The following EPHA3 variants were observed in gnomAD, a reference collection of about 807,000 sequenced individuals.
EPHA3 encodes ephrin type-A receptor 3.
EPHA3 carries 42 observed loss-of-function variants against 107.1 expected under a neutral mutation model. The observed-to-expected ratio is 0.39, with a 90% CI of 0.31 to 0.51. The LOEUF is 0.51. Ranked by LOEUF, EPHA3 falls within the 20% of genes least tolerant of loss-of-function variation. EPHA3 has a pLI of 0.78. For synonymous variants in EPHA3, 461 were observed against 424.8 expected (o/e 1.09, Z -1.05); for missense variants, 1,183 against 1,211.2 (o/e 0.98, Z 0.35).
chr3:89,360,478 GC>G (rs1220463812), intron 5 of EPHA3, among the ~76,000 whole-genome samples: 2 of 150,962 alleles, frequency 1.3e-5, no homozygotes, highest in East Asian at 3.9e-4. Flanking sequence ...GCAACTCTAT[GC>G]TTTTAGTTAT....
At chr3:89,330,563 A>T (rs1576315606) in intron 3 of EPHA3, among the ~76,000 whole-genome samples, 2 of 152,128 alleles carry the variant, frequency 1.3e-5, no homozygotes, top group Non-Finnish European at 2.9e-5. Flanking sequence ...TCCTCAGAAT[A>T]GAAATGTATG....
At chr3:89,382,744 A>G (rs1708537547) in intron 5 of EPHA3, among the ~76,000 whole-genome samples, 1 of 152,114 alleles carries the variant, frequency 6.6e-6, no homozygotes, top group East Asian at 1.9e-4. Flanking sequence ...CCCTGACAGG[A>G]TTAGGACAGA....
intron 13 of EPHA3, among the ~76,000 whole-genome samples, chr3:89,439,066 C>T (rs183964088): frequency 1.3e-5 from 2 of 152,118 alleles, no homozygotes; most frequent in Non-Finnish European, 2.9e-5. Flanking sequence ...GTAGAGAATG[C>T]AATTTTATAT....
intron 2 of EPHA3, among the ~76,000 whole-genome samples, chr3:89,176,034 A>G (rs1366724402): frequency 6.6e-6 from 1 of 152,038 alleles, no homozygotes; most frequent in Admixed American, 6.6e-5. Flanking sequence ...ATATTTTGTA[A>G]TACTTTAATA....
At chr3:89,163,509 G>A (rs2107077399) in intron 2 of EPHA3, among the ~76,000 whole-genome samples, 1 of 152,030 alleles carries the variant, frequency 6.6e-6, no homozygotes, top group South Asian at 2.1e-4. Context: ...CATTATAATA[G>A]CAATACCTCA....
intron 5 of EPHA3, among the ~76,000 whole-genome samples, chr3:89,375,409 A>C (rs1311197913): frequency 6.6e-6 from 1 of 151,790 alleles, no homozygotes; most frequent in Non-Finnish European, 1.5e-5. Context: ...GAAACAAGGA[A>C]AGGAAGGCAG....
intron 5 of EPHA3, among the ~76,000 whole-genome samples, chr3:89,346,609 G>A (rs1017089645): frequency 6.6e-6 from 1 of 150,660 alleles, no homozygotes; most frequent in African/African-American, 2.4e-5. Context: ...CTGTGCAGAA[G>A]CTCTTTATTT....
At chr3:89,455,876 C>T (rs1397241332) in intron 15 of EPHA3, among the ~76,000 whole-genome samples, 1 of 152,162 alleles carries the variant, frequency 6.6e-6, no homozygotes, top group Admixed American at 6.6e-5. Context: ...TCTCGTTCTT[C>T]ATCACTATTT....
chr3:89,335,353 T>G (rs1233352842), intron 3 of EPHA3, among the ~76,000 whole-genome samples: 2 of 152,158 alleles, frequency 1.3e-5, no homozygotes, highest in African/African-American at 4.8e-5. Context: ...ATCTCATTCA[T>G]GAGGACTCTG....
chr3:89,254,895 T>C (rs1705245622), intron 3 of EPHA3, among the ~76,000 whole-genome samples: 2 of 152,218 alleles, frequency 1.3e-5, no homozygotes, highest in African/African-American at 2.4e-5. Flanking sequence ...TTGTTTTAAA[T>C]AGCATTCAGT....
intron 3 of EPHA3, among the ~76,000 whole-genome samples, chr3:89,242,686 C>T (rs62278163): frequency 0.22 from 33,455 of 151,956 alleles, 3,978 homozygotes; most frequent in Non-Finnish European, 0.27. Context: ...ATCTGCCTGC[C>T]TCAGCCTCCC....
intron 3 of EPHA3, among the ~76,000 whole-genome samples, chr3:89,215,502 A>T (rs1261863359): frequency 6.6e-6 from 1 of 151,874 alleles, no homozygotes; most frequent in Non-Finnish European, 1.5e-5. Flanking sequence ...ATATACTGCA[A>T]ATCAGATTAT....
At chr3:89,170,919 A>G (rs1193326609) in intron 2 of EPHA3, among the ~76,000 whole-genome samples, 7 of 147,156 alleles carry the variant, frequency 4.8e-5, no homozygotes, top group African/African-American at 1.0e-4. Context: ...CATGAAGAGC[A>G]TATGCTAACT....
At chr3:89,138,169 T>C (rs1704355427) in intron 2 of EPHA3, among the ~76,000 whole-genome samples, 5 of 151,812 alleles carry the variant, frequency 3.3e-5, no homozygotes, top group Admixed American at 3.3e-4. Context: ...TAACTGTTGA[T>C]ATTTTTAAAA....
Position 89,351,999 on chromosome 3 carries a change from T to A in EPHA3, c.1306+9909T>A, listed in dbSNP as rs191214863. Among the ~76,000 whole-genome samples the A allele has an allele frequency of 1.6e-3, 244 of 150,400 alleles. 4 individuals are homozygous for A. Among genetic ancestry groups the A allele is most frequent in the Middle Eastern group, 6.9e-3 (2 of 288 alleles). ...AGGACTTTCCAGGTGCTGGATATGATGCAGGGAATTTCAGAGTTGCCATTC... is the reference window on the plus strand; with the variant it reads ...AGGACTTTCCAGGTGCTGGATATGAAGCAGGGAATTTCAGAGTTGCCATTC... On this transcript the variant is annotated intron_variant, in intron 5 of 16. Transcript: ENST00000336596.
intron 1 of EPHA3, among the ~76,000 whole-genome samples, chr3:89,117,476 G>T (rs1271345784): frequency 6.6e-6 from 1 of 151,972 alleles, no homozygotes; most frequent in Non-Finnish European, 1.5e-5. Context: ...GCATCTGATG[G>T]CAGTCTTCAC....
Position 89,369,430 on chromosome 3 carries a change from G to C in EPHA3, c.1307-26407G>C, listed in dbSNP as rs1027033084. On this transcript the variant is annotated intron_variant, in intron 5 of 16. Transcript: ENST00000336596. Reference sequence around the variant, plus strand: ...TTCCCTATTTAATAAATGGTGCTGGGAAAACTGGCTAGCCATATGTAGAAA... The same window carrying C: ...TTCCCTATTTAATAAATGGTGCTGGCAAAACTGGCTAGCCATATGTAGAAA... Among the ~76,000 whole-genome samples the C allele has an allele frequency of 2.2e-4, 33 of 150,738 alleles. 1 individual carries two copies. The highest frequency in any genetic ancestry group is 7.8e-4 in the East Asian group (4 of 5,146).
rs1487964520 is a variant in EPHA3, at chr3:89,359,715, A to G, written c.1306+17625A>G. Among the ~76,000 whole-genome samples the G allele has an allele frequency of 4.3e-3, 636 of 146,274 alleles. 11 individuals carry two copies. The highest frequency in any genetic ancestry group is 0.012 in the African/African-American group (478 of 40,208). ...TATACGTTATATATTGTGTGTGTGT[A>G]TATATATATACATACATATATACAC... On this transcript the variant is annotated intron_variant, in intron 5 of 16. Transcript: ENST00000336596.
chr3:89,471,168 G>C (rs1445376747), intron 15 of EPHA3, among the ~76,000 whole-genome samples: 1 of 145,476 alleles, frequency 6.9e-6, no homozygotes, highest in Non-Finnish European at 1.5e-5. Flanking sequence ...AGGCCACTAA[G>C]AGCTGAAGAA....
Sources: allele counts gnomAD v4.1 joint callset (sites outside exome capture counted in the v4.1 genomes callset), GRCh38; gene constraint gnomAD v4.1.1; transcripts MANE v1.5; gene names NCBI Gene and HGNC (gene_info 2026-07-23, HGNC 2026-07-21).